The following GSTM5 variants were observed in gnomAD, a reference collection of about 807,000 sequenced individuals.
GSTM5 encodes glutathione S-transferase mu 5.
GSTM5 carries 24 observed loss-of-function variants against 29.0 expected under a neutral mutation model. The observed-to-expected ratio is 0.83, with a 90% CI of 0.60 to 1.16. The LOEUF is 1.16. Ranked by LOEUF, GSTM5 falls within the 50% of genes most tolerant of loss-of-function variation. GSTM5 has a pLI of 0.00. For synonymous variants in GSTM5, 91 were observed against 93.6 expected, an observed-to-expected ratio of 0.97 and a Z score of 0.16; for missense variants, 290 against 263.0, an observed-to-expected ratio of 1.10 and a Z score of -0.71.
At chr1:109,713,218 G>T (rs1415726690) in intron 3 of GSTM5, 35 bp downstream of exon 3, 1 of 1,611,018 alleles carries the variant, frequency 6.2e-7, no homozygotes, top group Non-Finnish European at 8.5e-7. Flanking sequence ...TTGGGGGAAA[G>T]TGCGACGTGT....
intron 1 of GSTM5, 33 bp downstream of exon 1, chr1:109,712,381 G>C (rs1486199147): frequency 6.2e-7 from 1 of 1,608,974 alleles, no homozygotes; most frequent in Admixed American, 1.7e-5. Flanking sequence ...GTGGGACAGG[G>C]GGCGGAGGCG....
upstream of GSTM5, chr1:109,712,190 CG>C (rs1413446532): frequency 1.2e-5 from 13 of 1,059,350 alleles, no homozygotes; most frequent in African/African-American, 1.6e-5. Context: ...TGGCGTGTTT[CG>C]GGGTTGTGGC....
chr1:109,712,940 G>A lies in GSTM5; in HGVS notation c.113-179G>A, dbSNP rs1315050058. The A allele has an allele frequency of 6.2e-5, 56 of 899,586 alleles. No individual in the cohort carries two copies. The Middle Eastern group carries it at 9.8e-4, about 16-fold the overall frequency. The allele number at this position is 899,586 out of a possible 1,614,324, so 55.7% of individuals were successfully genotyped here. A position where few individuals can be genotyped will look rare whatever the true frequency, so the allele number is the denominator to read the frequency against. On this transcript the variant is annotated intron_variant, in intron 2 of 7. Coordinates refer to ENST00000256593, the MANE Select transcript of GSTM5 (RefSeq NM_000851.4). ...TCCCTAAACCCTGGAAGCCTTAGCC[G>A]TTGTGGGGTCCAGAGCCCTCAGTGG...
intron 1 of GSTM5, 128 bp from the exon 2 acceptor site, chr1:109,712,490 G>C (rs1331519056): frequency 5.3e-6 from 7 of 1,320,986 alleles, no homozygotes; most frequent in African/African-American, 2.9e-5. Flanking sequence ...GTGTGTGTTT[G>C]GGGGTGGGGG....
chr1:109,712,574 G>C, intron 1 of GSTM5, 44 bp from the exon 2 acceptor site: 1 of 1,605,574 alleles, frequency 6.2e-7, no homozygotes, highest in South Asian at 1.1e-5. Context: ...CACCAAGTCA[G>C]GGACCCTCCA....
chr1:109,713,246 C>T, intron 3 of GSTM5, 63 bp downstream of exon 3: 9 of 1,606,430 alleles, frequency 5.6e-6, no homozygotes, highest in Non-Finnish European at 7.7e-6. Context: ...TGCATCTCCT[C>T]TCCCCACCTT....
intron 5 of GSTM5, 88 bp from the exon 6 acceptor site, chr1:109,714,859 C>A: frequency 7.7e-7 from 1 of 1,299,514 alleles, no homozygotes. Context: ...TTGCCTGTGG[C>A]CAGCCTGGGC....
At position 109,714,921 on chromosome 1, in the gene GSTM5, G is replaced by A. The variant is rs748718540; in HGVS notation, c.361-26G>A. Reference sequence around the variant, plus strand: ...CTGTGCAGGGAGCTTTTGTCTGAGGGTGGTGACAGCTGTTTTCTGCCTCAG... The same window carrying A: ...CTGTGCAGGGAGCTTTTGTCTGAGGATGGTGACAGCTGTTTTCTGCCTCAG... On this transcript the variant is annotated intron_variant, in intron 5 of 7. Coordinates refer to ENST00000256593, the MANE Select transcript of GSTM5 (RefSeq NM_000851.4). 29 of 1,612,406 alleles carry A rather than the reference G, an allele frequency of 1.8e-5. No individual in the cohort carries two copies. In the South Asian group the frequency reaches 3.1e-4, roughly 17 times the overall value.
rs751032335 is a variant in GSTM5 at position 109,715,270 on chromosome 1, T to C, written c.567+30T>C. ...TGCCCCCATCCTCCTTTCTCTTTGA[T>C]GCCCCTTGTTCCTTTCTCTCCTTTC... On this transcript the variant is annotated intron_variant, in intron 7 of 7. Transcript: ENST00000256593. 3 of 1,614,244 alleles carry C rather than the reference T, an allele frequency of 1.9e-6. No homozygotes were observed. The South Asian group carries it at 3.3e-5, about 18-fold the overall frequency.
chr1:109,714,496 TCTCC>T (rs1400176396), intron 5 of GSTM5: 1 of 192,374 alleles, frequency 5.2e-6, no homozygotes, highest in African/African-American at 2.4e-5. Context: ...CCTTTATTCC[TCTCC>T]CTCCTTCCTT....
In GSTM5 at chr1:109,713,848, A is replaced by T. The variant is rs763179876; in HGVS notation, c.360+87A>T. ...GGACTTCCAAAGTCAGGTCTGTAGC[A>T]GACTCCGGCCAGCTGACTGGAGACG... On this transcript the variant is annotated intron_variant, in intron 5 of 7. Coordinates refer to ENST00000256593, the MANE Select transcript of GSTM5 (RefSeq NM_000851.4). 10 of 934,670 alleles carry T rather than the reference A, an allele frequency of 1.1e-5. No individual in the cohort carries two copies. In the South Asian group the frequency reaches 1.3e-4, roughly 12 times the overall value. 57.9% of individuals were successfully genotyped at this position (934,670 alleles called of 1,614,324 possible).
At chr1:109,716,714 G>A (rs573442917) in intron 7 of GSTM5, 4 of 152,858 alleles carry the variant, frequency 2.6e-5, no homozygotes, top group African/African-American at 9.7e-5. Context: ...AAGTCATTGG[G>A]TGAGATCTGT....
At chr1:109,714,675 T>C in intron 5 of GSTM5, 1 of 512,432 alleles carries the variant, frequency 2.0e-6, no homozygotes, top group Admixed American at 3.3e-5. Context: ...GCTCGGGCGC[T>C]CATGCGGCTG....
chr1:109,712,577 A>T (rs1648592117), intron 1 of GSTM5, 41 bp from the exon 2 acceptor site: 1 of 1,605,794 alleles, frequency 6.2e-7, no homozygotes, highest in Non-Finnish European at 8.5e-7. Flanking sequence ...CAAGTCAGGG[A>T]CCCTCCATCT....
intron 2 of GSTM5, 93 bp from the exon 3 acceptor site, chr1:109,713,026 T>C (rs1438098013): frequency 8.5e-6 from 12 of 1,419,626 alleles, no homozygotes; most frequent in Non-Finnish European, 1.2e-5. Flanking sequence ...GATCCACCTG[T>C]CTCAGGGATC....
At chr1:109,713,839 G>A in intron 5 of GSTM5, 78 bp downstream of exon 5, 2 of 1,162,306 alleles carry the variant, frequency 1.7e-6, no homozygotes, top group South Asian at 1.2e-5. Context: ...CCAAAGTCAG[G>A]TCTGTAGCAG....
intron 3 of GSTM5, 96 bp downstream of exon 3, chr1:109,713,279 T>G: frequency 6.4e-7 from 1 of 1,557,202 alleles, no homozygotes; most frequent in South Asian, 1.1e-5. Flanking sequence ...ATCAGGAGTC[T>G]TCTGCCCAAT....
Position 109,713,496 on chromosome 1 carries a change from A to C in GSTM5, c.190A>C (p.Ile64Leu). 6.2e-7 allele frequency: 1 copy of C among 1,614,144 alleles called. No individual in the cohort carries two copies. Among genetic ancestry groups the C allele is most frequent in the Non-Finnish European group, 8.5e-7 (1 of 1,180,026 alleles). ...GLDFPNLPYLIDGAHKITQSN... is the reference protein window; with the variant it reads ...GLDFPNLPYLLDGAHKITQSN... ...CCCATCTATCCAGCTGCCCTACTTG[A>C]TTGATGGGGCTCACAAGATCACCCA... The change falls in exon 4 of 8, where the codon ATT becomes CTT. Residue 64 changes from isoleucine (I) to leucine (L), a missense_variant. Ile to Leu is a conservative substitution (Grantham distance 5). Transcript: ENST00000256593.
intron 7 of GSTM5, chr1:109,716,276 A>G (rs536863936): frequency 3.0e-5 from 6 of 201,754 alleles, no homozygotes; most frequent in Non-Finnish European, 6.0e-5. Flanking sequence ...ACTCCCCATC[A>G]AGAAATCTGC....
Sources: allele counts gnomAD v4.1 joint callset, GRCh38; gene constraint gnomAD v4.1.1; transcripts MANE v1.5; gene names NCBI Gene and HGNC (gene_info 2026-07-23, HGNC 2026-07-21).